The following KHDRBS3 variants were observed in gnomAD, a reference collection of about 807,000 sequenced individuals.
The protein encoded by KHDRBS3 is KH RNA binding domain containing, signal transduction associated 3, also known as KH domain-containing, RNA-binding, signal transduction-associated protein 3.
In KHDRBS3, 23 loss-of-function variants were observed where a neutral mutation model predicts 45.6. The ratio of observed to expected loss-of-function variants is 0.50; its 90% CI spans 0.36 to 0.72. The LOEUF is 0.72. KHDRBS3 is among the 30% of genes least tolerant of loss of function. KHDRBS3 has a pLI of 0.00. For synonymous variants in KHDRBS3, 162 were observed against 156.5 expected (o/e 1.04, Z -0.26); for missense variants, 352 against 424.8 (o/e 0.83, Z 1.51).
At chr8:135,543,890 C>A (rs1728043644) in intron 3 of KHDRBS3, among the ~76,000 whole-genome samples, 1 of 152,080 alleles carries the variant, frequency 6.6e-6, no homozygotes, top group Non-Finnish European at 1.5e-5. Flanking sequence ...AGTAGATTCC[C>A]ATACCTCTAC....
intron 1 of KHDRBS3, among the ~76,000 whole-genome samples, chr8:135,494,530 G>A (rs1242779486): frequency 1.3e-5 from 2 of 151,972 alleles, no homozygotes; most frequent in African/African-American, 4.8e-5. Context: ...CACCCACCTC[G>A]GCCTCCTAAA....
chr8:135,579,135 C>G (rs1199247278), intron 5 of KHDRBS3, among the ~76,000 whole-genome samples: 1 of 152,058 alleles, frequency 6.6e-6, no homozygotes, highest in Admixed American at 6.5e-5. Flanking sequence ...GTGATGTCAC[C>G]TGTGAACAAA....
chr8:135,511,472 T>C (rs781386475), intron 1 of KHDRBS3, among the ~76,000 whole-genome samples: 2 of 152,214 alleles, frequency 1.3e-5, no homozygotes, highest in African/African-American at 4.8e-5. Context: ...CTCGTGTGTA[T>C]GTTTTAATCT....
chr8:135,557,374 ACTTG>A (rs1826939764), intron 4 of KHDRBS3, 70 bp from the exon 5 acceptor site: 2 of 831,930 alleles, frequency 2.4e-6, no homozygotes, highest in South Asian at 3.1e-5. Context: ...ATTAAGAATT[ACTTG>A]CTTTTTGTTC....
chr8:135,542,954 A>C (rs1826116600), intron 3 of KHDRBS3, among the ~76,000 whole-genome samples, 184 bp downstream of exon 3: 1 of 152,234 alleles, frequency 6.6e-6, no homozygotes, highest in Non-Finnish European at 1.5e-5. Context: ...TAACCTTTAT[A>C]GTCATACATT....
chr8:135,541,751 T>C (rs1269293183), intron 2 of KHDRBS3: 1 of 152,240 alleles, frequency 6.6e-6, no homozygotes, highest in Non-Finnish European at 1.5e-5. Flanking sequence ...TTTACCTTAA[T>C]TATAGCAAGG....
chr8:135,482,272 CAGAA>C (rs1474387182), intron 1 of KHDRBS3, among the ~76,000 whole-genome samples: 1 of 152,112 alleles, frequency 6.6e-6, no homozygotes, highest in South Asian at 2.1e-4. Flanking sequence ...TGTCCATAGG[CAGAA>C]AGAAAAATAA....
In KHDRBS3 at chr8:135,457,989, G is replaced by T; in HGVS notation, c.88+35G>T. ...CGGCCGTTAACTGCCGGCCGGCGGC[G>T]GTTGGGGGCCGGGTGGAAACGCGGG... On this transcript the variant is annotated intron_variant, in intron 1 of 8. Transcript: ENST00000355849. This position sits in a 1 kb window ranked among gnomAD's most constrained non-coding sequence, Gnocchi z 4.4. 1 of 1,551,674 alleles carries T rather than the reference G, an allele frequency of 6.4e-7. No individual in the cohort carries two copies. Among genetic ancestry groups the T allele is most frequent in the Non-Finnish European group, 8.7e-7 (1 of 1,150,796 alleles).
In KHDRBS3 at chr8:135,635,371, G is replaced by GTGTTTGTT. The variant is rs561791144; in HGVS notation, c.891-9666_891-9659dup. 8.4e-3 allele frequency among the ~76,000 whole-genome samples: 1,277 copies of GTGTTTGTT among 152,002 alleles called. 11 individuals carry two copies. The highest frequency in any genetic ancestry group is 0.023 in the African/African-American group (942 of 41,386). On this transcript the variant is annotated intron_variant, in intron 7 of 8. Coordinates refer to ENST00000355849, the MANE Select transcript of KHDRBS3 (RefSeq NM_006558.3). The stretch of plus-strand genomic sequence containing the variant: ...CGACATCAAAACTTGGCAGGTAGTA[G>GTGTTTGTT]TGTTTGTTTGTTTGTTTGTTTGTTT...
At chr8:135,509,580 T>G (rs1359975843) in intron 1 of KHDRBS3, among the ~76,000 whole-genome samples, 2 of 152,208 alleles carry the variant, frequency 1.3e-5, no homozygotes, top group Non-Finnish European at 2.9e-5. Flanking sequence ...TTTAAAATTG[T>G]TAGAATATAG....
chr8:135,572,069 C>T (rs940408638), intron 5 of KHDRBS3, among the ~76,000 whole-genome samples: 6 of 152,180 alleles, frequency 3.9e-5, no homozygotes, highest in Non-Finnish European at 8.8e-5. Flanking sequence ...TTAAACTTAT[C>T]TATTATCAAA....
chr8:135,535,496 G>A (rs1487777709), intron 2 of KHDRBS3, among the ~76,000 whole-genome samples: 1 of 150,018 alleles, frequency 6.7e-6, no homozygotes, highest in African/African-American at 2.4e-5. Flanking sequence ...GTAGAATATA[G>A]TTTGTTCTGA....
intron 1 of KHDRBS3, among the ~76,000 whole-genome samples, chr8:135,518,249 C>T (rs1477730370): frequency 6.6e-6 from 1 of 152,112 alleles, no homozygotes; most frequent in Non-Finnish European, 1.5e-5. Context: ...TCTCACCTCA[C>T]TGCAAGCTCC....
intron 7 of KHDRBS3, among the ~76,000 whole-genome samples, chr8:135,627,923 T>G (rs191798750): frequency 6.6e-6 from 1 of 152,346 alleles, no homozygotes; most frequent in Admixed American, 6.5e-5. Flanking sequence ...AAAAAAAATC[T>G]ACACTTGGCA....
At chr8:135,636,641 A>G (rs1830826286) in intron 7 of KHDRBS3, among the ~76,000 whole-genome samples, 1 of 152,236 alleles carries the variant, frequency 6.6e-6, no homozygotes, top group African/African-American at 2.4e-5. Flanking sequence ...CAAGAGAAGA[A>G]TAAAGCAAGC....
chr8:135,635,794 T>A (rs992457159), intron 7 of KHDRBS3, among the ~76,000 whole-genome samples: 3 of 152,190 alleles, frequency 2.0e-5, no homozygotes, highest in African/African-American at 7.2e-5. Context: ...TATACTTGGG[T>A]TTTTTGGCAT....
chr8:135,549,797 A>G (rs1023908786), intron 4 of KHDRBS3: 5 of 152,194 alleles, frequency 3.3e-5, no homozygotes, highest in African/African-American at 1.2e-4. Context: ...TGATTATATT[A>G]TCTGTGAGGA....
intron 6 of KHDRBS3, among the ~76,000 whole-genome samples, chr8:135,606,423 G>C (rs769142359): frequency 1.3e-5 from 2 of 152,094 alleles, no homozygotes; most frequent in African/African-American, 4.8e-5. Flanking sequence ...ATTTTCTTCA[G>C]ATACCCTGAG....
At chr8:135,589,205 T>C (rs10086250) in intron 6 of KHDRBS3, among the ~76,000 whole-genome samples, 59,667 of 152,082 alleles carry the variant, frequency 0.39, 12,782 homozygotes, top group South Asian at 0.53. Context: ...CAGTTGCACC[T>C]TTGCTTGTAG....
Sources: allele counts gnomAD v4.1 joint callset (sites outside exome capture counted in the v4.1 genomes callset), GRCh38; gene constraint gnomAD v4.1.1; non-coding constraint Gnocchi (gnomAD v3.1); transcripts MANE v1.5; gene names NCBI Gene and HGNC (gene_info 2026-07-23, HGNC 2026-07-21).